Variants in ISOC1 observed in about 807,000 individuals in gnomAD.
The protein encoded by ISOC1 is isochorismatase domain-containing protein 1.
In ISOC1, 33 loss-of-function variants were observed where a neutral mutation model predicts 30.0. The ratio of observed to expected loss-of-function variants is 1.10; its 90% CI spans 0.83 to 1.47. The LOEUF (loss-of-function observed/expected upper bound fraction) is 1.47, where lower values mean the gene tolerates loss of function less well. Ranked by LOEUF, ISOC1 falls within the 40% of genes most tolerant of loss-of-function variation. The pLI is 0.00. For missense variants in ISOC1, 372 were observed against 388.0 expected (o/e 0.96, Z 0.35); for synonymous variants, 178 against 159.8 (o/e 1.11, Z -0.86).
intron 1 of ISOC1, among the ~76,000 whole-genome samples, chr5:129,097,455 T>C (rs750309251): frequency 6.6e-6 from 1 of 152,140 alleles, no homozygotes; most frequent in Non-Finnish European, 1.5e-5. Context: ...ATGACTACTG[T>C]ACACTATATT....
chr5:129,102,349 A>G (rs1283054868), intron 1 of ISOC1, among the ~76,000 whole-genome samples: 3 of 152,138 alleles, frequency 2.0e-5, no homozygotes, highest in African/African-American at 4.8e-5. Flanking sequence ...GTAAGTTCCT[A>G]TACTAGAGAG....
chr5:129,109,037 T>C (rs1753671596), intron 4 of ISOC1, among the ~76,000 whole-genome samples: 1 of 152,222 alleles, frequency 6.6e-6, no homozygotes, highest in African/African-American at 2.4e-5. Flanking sequence ...AAGGACTTTT[T>C]TCAAGGACTT....
chr5:129,099,148 A>C (rs893215720), intron 1 of ISOC1, among the ~76,000 whole-genome samples: 3 of 152,216 alleles, frequency 2.0e-5, no homozygotes, highest in Non-Finnish European at 4.4e-5. Context: ...TTCTGAATAC[A>C]TTAGAGCTAC....
chr5:129,113,436 A>G lies in ISOC1; in HGVS notation c.*435A>G, dbSNP rs1296019523. 1 of 154,518 alleles carries G rather than the reference A, an allele frequency of 6.5e-6. No individual in the cohort carries two copies. Among genetic ancestry groups the G allele is most frequent in the Non-Finnish European group, 1.4e-5 (1 of 69,360 alleles). The allele number at this position is 154,518 out of a possible 1,614,324, so 9.6% of individuals were successfully genotyped here. On this transcript the variant is annotated 3_prime_UTR_variant, in exon 5 of 5. Coordinates refer to ENST00000173527, the MANE Select transcript of ISOC1 (RefSeq NM_016048.2). Reference sequence around the variant, plus strand: ...TGTGGATGTAGTGCTTTTACTTTACAGATTGATTGGAATAAGATTATTGCA... The same window carrying G: ...TGTGGATGTAGTGCTTTTACTTTACGGATTGATTGGAATAAGATTATTGCA...
chr5:129,113,368 A>C lies in ISOC1; in HGVS notation c.*367A>C, dbSNP rs1753736084. ...ACTTTAAAGAAAATGACGTACCAAC[A>C]ATGATTTGGCTTTTATATTACTGTA... On this transcript the variant is annotated 3_prime_UTR_variant, in exon 5 of 5. Transcript: ENST00000173527. The C allele has an allele frequency of 6.2e-6, 1 of 161,498 alleles. No individual in the cohort carries two copies. Among genetic ancestry groups the C allele is most frequent in the South Asian group, 1.9e-4 (1 of 5,236 alleles). 10.0% of individuals were successfully genotyped at this position (161,498 alleles called of 1,614,324 possible).
At chr5:129,096,042 A>G (rs1271459579) in intron 1 of ISOC1, among the ~76,000 whole-genome samples, 2 of 152,182 alleles carry the variant, frequency 1.3e-5, no homozygotes, top group East Asian at 3.8e-4. Context: ...TTAATATTTA[A>G]GTGTCATTTT....
chr5:129,101,801 G>T (rs986477869), intron 1 of ISOC1, among the ~76,000 whole-genome samples: 2 of 152,102 alleles, frequency 1.3e-5, no homozygotes, highest in Non-Finnish European at 2.9e-5. Context: ...ACATTTTGTT[G>T]TCTTGTCTCC....
chr5:129,109,887 C>G (rs1753683732), intron 4 of ISOC1, among the ~76,000 whole-genome samples: 1 of 152,106 alleles, frequency 6.6e-6, no homozygotes, highest in South Asian at 2.1e-4. Context: ...GCTATATTGC[C>G]TGTTAAGATT....
Position 129,113,693 on chromosome 5 carries a change from A to G in ISOC1, c.*692A>G, listed in dbSNP as rs996639029. 37 of 152,300 alleles carry G rather than the reference A, an allele frequency of 2.4e-4. No homozygotes were observed. Among genetic ancestry groups the G allele is most frequent in the African/African-American group, 8.7e-4 (36 of 41,570 alleles). The allele number at this position is 152,300 out of a possible 1,614,324, so 9.4% of individuals were successfully genotyped here. ...GTTTGCAATGCCATATTATTGGTGG[A>G]GGGCTGTTTTAACATCTTTGAAGTA... On this transcript the variant is annotated 3_prime_UTR_variant, in exon 5 of 5. Coordinates refer to ENST00000173527, the MANE Select transcript of ISOC1 (RefSeq NM_016048.2).
rs145018247 is a variant in ISOC1 at position 129,095,688 on chromosome 5, C to T, written c.309+613C>T. Among the ~76,000 whole-genome samples, 1,183 of 152,298 alleles carry T rather than the reference C, an allele frequency of 7.8e-3. 18 individuals are homozygous for T. The highest frequency in any genetic ancestry group is 0.027 in the African/African-American group (1,114 of 41,556). On this transcript the variant is annotated intron_variant, in intron 1 of 4. Transcript: ENST00000173527. ...TGACTTGATTACGTTTTGTCGTCTG[C>T]ATTGAAAAAGTCATTTGACTCCATG...
intron 4 of ISOC1, among the ~76,000 whole-genome samples, chr5:129,111,253 C>T (rs1416680254): frequency 2.0e-5 from 3 of 152,094 alleles, no homozygotes; most frequent in Admixed American, 6.6e-5. Context: ...CCAACCCCCC[C>T]ATAAATAGCT....
intron 1 of ISOC1, among the ~76,000 whole-genome samples, chr5:129,102,462 A>G (rs1315039450): frequency 1.3e-5 from 2 of 152,188 alleles, no homozygotes; most frequent in Non-Finnish European, 2.9e-5. Context: ...ACCCATAGCT[A>G]AAATGAAGGG....
At chr5:129,110,461 C>G (rs1405496478) in intron 4 of ISOC1, among the ~76,000 whole-genome samples, 1 of 152,104 alleles carries the variant, frequency 6.6e-6, no homozygotes, top group Non-Finnish European at 1.5e-5. Context: ...GTGGGAATGG[C>G]TAAGAGCCAG....
intron 2 of ISOC1, 53 bp from the exon 3 acceptor site, chr5:129,105,132 T>C: frequency 1.9e-6 from 3 of 1,613,280 alleles, no homozygotes; most frequent in Non-Finnish European, 2.5e-6. Context: ...CACTCATATA[T>C]ACACATATAT....
chr5:129,107,046 G>T lies in ISOC1; in HGVS notation c.734G>T (p.Arg245Met). Reference protein sequence around the residue: ...DATSSRSMMDRMFALERLART... With the variant: ...DATSSRSMMDMMFALERLART... ...ACCTCATCAAGAAGCATGATGGACA[G>T]GATGTTTGCCCTCGAGGTAATTGTC... The change falls in exon 4 of 5, where the codon AGG becomes ATG. Residue 245 changes from arginine (R) to methionine (M), a missense_variant. Coordinates refer to ENST00000173527, the MANE Select transcript of ISOC1 (RefSeq NM_016048.2). 1 of 1,613,478 alleles carries T rather than the reference G, an allele frequency of 6.2e-7. No individual in the cohort carries two copies. The highest frequency in any genetic ancestry group is 8.5e-7 in the Non-Finnish European group (1 of 1,179,486).
intron 4 of ISOC1, among the ~76,000 whole-genome samples, chr5:129,111,976 CAGAG>C (rs1322778583): frequency 6.6e-6 from 1 of 152,120 alleles, no homozygotes; most frequent in Non-Finnish European, 1.5e-5. Context: ...TCTCCTGACA[CAGAG>C]AGAGCTCTTT....
intron 4 of ISOC1, among the ~76,000 whole-genome samples, chr5:129,109,005 A>G (rs1464921057): frequency 1.3e-5 from 2 of 152,150 alleles, no homozygotes; most frequent in African/African-American, 4.8e-5. Flanking sequence ...AAAACACAAA[A>G]CAAACTTCCT....
intron 1 of ISOC1, among the ~76,000 whole-genome samples, chr5:129,104,727 G>A (rs1197557322): frequency 6.6e-6 from 1 of 151,392 alleles, no homozygotes; most frequent in Non-Finnish European, 1.5e-5. Flanking sequence ...TATCATATCT[G>A]TATTGTTGGC....
intron 1 of ISOC1, among the ~76,000 whole-genome samples, chr5:129,101,192 A>AAAAAAATATATAT (rs1554064627): frequency 7.8e-4 from 33 of 42,176 alleles, no homozygotes; most frequent in Non-Finnish European, 1.0e-3. Context: ...AAAAAAAAAA[A>AAAAAAATATATAT]ATATATATAT....
Sources: gnomAD v4.1 joint callset for allele counts (sites outside exome capture counted in the v4.1 genomes callset) on GRCh38, gnomAD v4.1.1 for gene constraint, MANE v1.5 for transcripts, NCBI Gene and HGNC (gene_info 2026-07-23, HGNC 2026-07-21) for gene names.